Variants in EYA1 observed in about 807,000 individuals in gnomAD.
The protein encoded by EYA1 is protein phosphatase EYA1.
In EYA1, 16 loss-of-function variants were observed where a neutral mutation model predicts 82.0. The ratio of observed to expected loss-of-function variants is 0.20; its 90% CI spans 0.13 to 0.30. The LOEUF is 0.30. Ranked by LOEUF, EYA1 falls within the 10% of genes least tolerant of loss-of-function variation. EYA1 has a pLI of 1.00. For missense variants in EYA1, 633 were observed against 730.7 expected (o/e 0.87, Z 1.54); for synonymous variants, 261 against 264.4 (o/e 0.99, Z 0.12).
At chr8:71,325,713 A>ATAAC (rs1382845364) in intron 4 of EYA1, among the ~76,000 whole-genome samples, 1 of 152,244 alleles carries the variant, frequency 6.6e-6, no homozygotes, top group African/African-American at 2.4e-5. Context: ...ATGCTGTCTT[A>ATAAC]TAACTACTCA....
chr8:71,269,789 A>G lies in EYA1; in HGVS notation c.1001T>C (p.Ile334Thr). The G allele has an allele frequency of 6.2e-7, 1 of 1,613,814 alleles. No homozygotes were observed. Among genetic ancestry groups the G allele is most frequent in the Non-Finnish European group, 8.5e-7 (1 of 1,179,786 alleles). The stretch of plus-strand genomic sequence containing the variant: ...CCCAGTAAGCAAGGAGTGGAAAACA[A>G]TGATTGTCTCATCCAAGTCCCAGAT... ...VFIWDLDETI[I>T]VFHSLLTGSY... Residue 334 changes from isoleucine (I) to threonine (T), a missense_variant, in exon 11 of 18, where the codon ATT becomes ACT. Ile to Thr is a moderately conservative substitution (Grantham distance 89). Transcript: ENST00000340726.
intron 12 of EYA1, chr8:71,225,344 C>T: frequency 6.6e-6 from 3 of 456,078 alleles, no homozygotes; most frequent in South Asian, 4.6e-5. Flanking sequence ...AGCCTCTCCA[C>T]ACTGGCAATC....
chr8:71,360,082 C>T (rs1827240177), intron 1 of EYA1, among the ~76,000 whole-genome samples: 1 of 152,122 alleles, frequency 6.6e-6, no homozygotes. Flanking sequence ...TAAATGTTAA[C>T]ACTATATTTC....
At chr8:71,476,919 C>A (rs1442734957) in intron 2 of EYA1, among the ~76,000 whole-genome samples, 2 of 151,982 alleles carry the variant, frequency 1.3e-5, no homozygotes, top group Admixed American at 6.6e-5. Context: ...CAAAAACACA[C>A]CCACACATCT....
At chr8:71,530,888 G>C (rs984701738) in intron 2 of EYA1, 6 of 152,118 alleles carry the variant, frequency 3.9e-5, no homozygotes, top group African/African-American at 1.4e-4. Flanking sequence ...GAGTACAATG[G>C]AGCCCTAAAG....
intron 2 of EYA1, among the ~76,000 whole-genome samples, chr8:71,527,356 A>G (rs1047503928): frequency 1.3e-5 from 2 of 152,218 alleles, no homozygotes; most frequent in Non-Finnish European, 1.5e-5. Context: ...CAGTTATCCT[A>G]TACAGTAAGG....
chr8:71,264,138 C>T (rs1815482527), intron 11 of EYA1, among the ~76,000 whole-genome samples: 1 of 152,158 alleles, frequency 6.6e-6, no homozygotes, highest in African/African-American at 2.4e-5. Flanking sequence ...GGTTAAGTAA[C>T]CAGATCTCCT....
intron 12 of EYA1, among the ~76,000 whole-genome samples, chr8:71,219,541 C>T (rs1254973994): frequency 6.6e-6 from 1 of 152,046 alleles, no homozygotes; most frequent in Non-Finnish European, 1.5e-5. Flanking sequence ...ACATAAAATA[C>T]ATACTGAGGG....
intron 7 of EYA1, among the ~76,000 whole-genome samples, chr8:71,301,910 T>G (rs924762788): frequency 1.3e-5 from 2 of 151,840 alleles, no homozygotes; most frequent in African/African-American, 2.4e-5. Flanking sequence ...ACTACCAGTT[T>G]TTGTTTTTTT....
chr8:71,266,898 T>C (rs752963799), intron 11 of EYA1, among the ~76,000 whole-genome samples: 1 of 152,202 alleles, frequency 6.6e-6, no homozygotes, highest in Non-Finnish European at 1.5e-5. Context: ...GGAATCATCT[T>C]TCACTTCTCT....
chr8:71,470,864 T>G (rs1016196304), intron 2 of EYA1: 1 of 455,552 alleles, frequency 2.2e-6, no homozygotes, highest in Non-Finnish European at 4.4e-6. Flanking sequence ...TTACCTTTAA[T>G]TTCTGGTGAG....
At chr8:71,307,345 C>T in intron 7 of EYA1, among the ~76,000 whole-genome samples, 1 of 152,062 alleles carries the variant, frequency 6.6e-6, no homozygotes, top group East Asian at 1.9e-4. Flanking sequence ...CACTCTGTCA[C>T]CCAGGCTAGA....
intron 2 of EYA1, among the ~76,000 whole-genome samples, chr8:71,523,092 G>A (rs1813524985): frequency 6.6e-6 from 1 of 151,526 alleles, no homozygotes; most frequent in African/African-American, 2.4e-5. Context: ...TTTTAAGGTG[G>A]GTGAGAACAT....
At chr8:71,458,171 A>G (rs1808098515) in intron 2 of EYA1, among the ~76,000 whole-genome samples, 1 of 152,128 alleles carries the variant, frequency 6.6e-6, no homozygotes, top group Non-Finnish European at 1.5e-5. Flanking sequence ...GTTGTATACA[A>G]CCCTGGTTGT....
chr8:71,491,121 G>A (rs1810963067), intron 2 of EYA1, among the ~76,000 whole-genome samples: 1 of 152,160 alleles, frequency 6.6e-6, no homozygotes, highest in Non-Finnish European at 1.5e-5. Flanking sequence ...AGAATATAAA[G>A]CACGTATAGC....
At chr8:71,421,365 A>C (rs986775308) in intron 2 of EYA1, among the ~76,000 whole-genome samples, 7 of 152,136 alleles carry the variant, frequency 4.6e-5, no homozygotes, top group Non-Finnish European at 1.0e-4. Context: ...TTCCTTTTAC[A>C]ATGAGGAAAC....
intron 9 of EYA1, among the ~76,000 whole-genome samples, chr8:71,277,895 T>C (rs1460449843): frequency 2.0e-5 from 3 of 152,240 alleles, no homozygotes; most frequent in Non-Finnish European, 4.4e-5. Context: ...ATTTAAAAGT[T>C]AATGTTTATA....
intron 12 of EYA1, among the ~76,000 whole-genome samples, chr8:71,237,449 A>T (rs1238149096): frequency 6.6e-6 from 1 of 152,162 alleles, no homozygotes; most frequent in Non-Finnish European, 1.5e-5. Context: ...CAGTAATCTT[A>T]GTTCTTTGAT....
In EYA1 at chr8:71,512,953, T is replaced by A. The variant is rs117437668; in HGVS notation, c.33+22791A>T. On this transcript the variant is annotated intron_variant, in intron 2 of 18. Transcript: ENST00000643681. ...CATGGGATATTCAAGGAGAAAAATA[T>A]CTAACCATACACAAGGTGGAAAGAT... is the stretch of plus-strand genomic sequence containing the variant. 3.2e-4 allele frequency among the ~76,000 whole-genome samples: 48 copies of A among 152,264 alleles called. No individual in the cohort carries two copies. The East Asian group carries it at 8.5e-3, about 27-fold the overall frequency.
Sources: allele counts gnomAD v4.1 joint callset (sites outside exome capture counted in the v4.1 genomes callset), GRCh38; gene constraint gnomAD v4.1.1; transcripts MANE v1.5; gene names NCBI Gene and HGNC (gene_info 2026-07-23, HGNC 2026-07-21).